IL17A: variants seen among roughly 807,000 people sequenced by gnomAD.
IL17A encodes the protein interleukin-17A.
IL17A carries 1 observed loss-of-function variant against 7.2 expected under a neutral mutation model. The ratio of observed to expected loss-of-function variants is 0.14; its 90% confidence interval spans 0.05 to 0.66. The LOEUF (loss-of-function observed/expected upper bound fraction) is 0.66, where lower values mean the gene tolerates loss of function less well. Ranked by LOEUF, IL17A falls within the 30% of genes least tolerant of loss-of-function variation. The probability of loss-of-function intolerance (pLI) is 0.84; values close to 1 mark genes in which losing one functional copy is unlikely to be tolerated. For missense variants in IL17A, 191 were observed against 197.1 expected, an observed-to-expected ratio of 0.97 and a Z score of 0.18; for synonymous variants, 90 against 77.7, an observed-to-expected ratio of 1.16 and a Z score of -0.83.
Position 52,187,774 on chromosome 6 carries a change from T to C in IL17A, c.199T>C (p.Tyr67His), listed in dbSNP as rs769455698. 5 of 1,613,988 alleles carry C rather than the reference T, an allele frequency of 3.1e-6. No homozygotes were observed. The highest frequency in any genetic ancestry group is 4.2e-6 in the Non-Finnish European group (5 of 1,179,956). The change falls in exon 2 of 3, where the codon TAC becomes CAC. Residue 67 changes from tyrosine to histidine, a missense_variant. Transcript: ENST00000648244. Reference sequence around the variant, plus strand: ...CAATCCCAAAAGGTCCTCAGATTACTACAACCGATCCACCTCACCTTGGAA... The same window carrying C: ...CAATCCCAAAAGGTCCTCAGATTACCACAACCGATCCACCTCACCTTGGAA... Reference protein sequence around the residue: ...NTNPKRSSDYYNRSTSPWNLH... With the variant: ...NTNPKRSSDYHNRSTSPWNLH...
At chr6:52,188,984 G>A in intron 2 of IL17A, 71 bp from the exon 3 acceptor site, 2 of 1,177,172 alleles carry the variant, frequency 1.7e-6, no homozygotes, top group Non-Finnish European at 1.3e-6. Flanking sequence ...CTCTCTTCAT[G>A]TATTCCTGTT....
Position 52,189,201 on chromosome 6 carries a change from C to A in IL17A, c.377C>A (p.Pro126His). Residue 126 changes from proline to histidine, a missense_variant, in exon 3 of 3, where the codon CCT (proline) becomes CAT (histidine). Pro to His is a moderately conservative substitution (Grantham distance 77). Coordinates refer to ENST00000648244, the MANE Select transcript of IL17A (RefSeq NM_002190.3). ...GAGATCCTGGTCCTGCGCAGGGAGC[C>A]TCCACACTGCCCCAACTCCTTCCGG... ...QQEILVLRRE[P>H]PHCPNSFRLE... 5 of 1,614,168 alleles carry A rather than the reference C, an allele frequency of 3.1e-6. No individual in the cohort carries two copies. Among genetic ancestry groups the A allele is most frequent in the Middle Eastern group, 1.6e-4 (1 of 6,062 alleles).
chr6:52,189,407 T>A lies in IL17A; in HGVS notation c.*115T>A. On this transcript the variant is annotated 3_prime_UTR_variant, in exon 3 of 3. Coordinates refer to ENST00000648244, the MANE Select transcript of IL17A (RefSeq NM_002190.3). ...TCATTTCGGACTAAACTCATTAGAGTTCTTAAGGCAGTTTGTCCAATTAAA... is the reference window on the plus strand; with the variant it reads ...TCATTTCGGACTAAACTCATTAGAGATCTTAAGGCAGTTTGTCCAATTAAA... The A allele has an allele frequency of 1.4e-6, 1 of 714,370 alleles. No individual in the cohort carries two copies. The highest frequency in any genetic ancestry group is 1.9e-5 in the South Asian group (1 of 53,238). 44.3% of individuals were successfully genotyped at this position (714,370 alleles called of 1,614,324 possible).
rs1308096563 is a variant in IL17A at position 52,189,287 on chromosome 6, G to T, written c.463G>T (p.Ala155Ser). 6.2e-7 allele frequency: 1 copy of T among 1,613,350 alleles called. No individual in the cohort carries two copies. Among genetic ancestry groups the T allele is most frequent in the African/African-American group, 1.3e-5 (1 of 74,912 alleles). ...TCVTPIVHHV[A>S] is the part of the protein sequence containing the mutation. ...TGTCACCCCGATTGTCCACCATGTG[G>T]CCTAAGAGCTCTGGGGAGCCCACAC... Residue 155 changes from alanine (A) to serine (S), a missense_variant, in exon 3 of 3, where the codon GCC becomes TCC. Ala to Ser is a moderately conservative substitution (Grantham distance 99, BLOSUM62 1). Coordinates refer to ENST00000648244, the MANE Select transcript of IL17A (RefSeq NM_002190.3).
chr6:52,187,348 C>T (rs1763304055), intron 1 of IL17A, among the ~76,000 whole-genome samples: 1 of 152,142 alleles, frequency 6.6e-6, no homozygotes, highest in Non-Finnish European at 1.5e-5. Flanking sequence ...CAATGGATAA[C>T]ATGTCTTTCC....
intron 1 of IL17A, among the ~76,000 whole-genome samples, chr6:52,186,869 G>T (rs181083392): frequency 1.3e-5 from 2 of 152,170 alleles, no homozygotes; most frequent in Admixed American, 6.5e-5. Flanking sequence ...CCATTATCTC[G>T]TACCATATTC....
At position 52,187,690 on chromosome 6, in the gene IL17A, A is replaced by G. The variant is rs776322859; in HGVS notation, c.115A>G (p.Lys39Glu). Residue 39 changes from lysine (K) to glutamate (E), a missense_variant, in exon 2 of 3, where the codon AAG becomes GAG. Lys to Glu is a moderately conservative substitution (Grantham distance 56). Coordinates refer to ENST00000648244, the MANE Select transcript of IL17A (RefSeq NM_002190.3). ...RNPGCPNSED[K>E]NFPRTVMVNL... ...TCCAGGATGCCCAAATTCTGAGGAC[A>G]AGAACTTCCCCCGGACTGTGATGGT... 5 of 1,614,010 alleles carry G rather than the reference A, an allele frequency of 3.1e-6. No homozygotes were observed. Among genetic ancestry groups the G allele is most frequent in the Non-Finnish European group, 3.4e-6 (4 of 1,179,984 alleles).
chr6:52,187,634 T>C lies in IL17A; in HGVS notation c.59T>C (p.Ile20Thr), dbSNP rs369300495. 6 of 1,613,990 alleles carry C rather than the reference T, an allele frequency of 3.7e-6. No individual in the cohort carries two copies. The highest frequency in any genetic ancestry group is 5.1e-6 in the Non-Finnish European group (6 of 1,179,966). The change falls in exon 2 of 3, where the codon ATA (isoleucine) becomes ACA (threonine). Residue 20 changes from isoleucine (I) to threonine (T), a missense_variant. Ile to Thr is a moderately conservative substitution (Grantham distance 89). Coordinates refer to ENST00000648244, the MANE Select transcript of IL17A (RefSeq NM_002190.3). The part of the protein sequence containing the change: ...SLLLLLSLEA[I>T]VKAGITIPRN... ...CTACTGCTGCTGAGCCTGGAGGCCATAGTGAAGGCAGGAATCACAATCCCA... is the reference window on the plus strand; with the variant it reads ...CTACTGCTGCTGAGCCTGGAGGCCACAGTGAAGGCAGGAATCACAATCCCA...
rs199815459 is a variant in IL17A at position 52,186,440 on chromosome 6, T to G, written c.9T>G (p.Pro3=). 6.2e-7 allele frequency: 1 copy of G among 1,613,982 alleles called. No individual in the cohort carries two copies. The highest frequency in any genetic ancestry group is 2.2e-5 in the East Asian group (1 of 44,858). MT[P]GKTSLVSLLL... Reference sequence around the variant, plus strand: ...GATTGGAAGAAACAACGATGACTCCTGGGAAGACCTCATTGGTGGTGAGTC... The same window carrying G: ...GATTGGAAGAAACAACGATGACTCCGGGGAAGACCTCATTGGTGGTGAGTC... Residue 3 remains proline, a synonymous_variant, in exon 1 of 3, where the codon CCT becomes CCG. Transcript: ENST00000648244.
chr6:52,186,383 C>T lies in IL17A; in HGVS notation c.-49C>T. On this transcript the variant is annotated 5_prime_UTR_variant, in exon 1 of 3. Coordinates refer to ENST00000648244, the MANE Select transcript of IL17A (RefSeq NM_002190.3). ...CGATAGCGCTACATTTTGTCCATCT[C>T]ATAGCAGGCACAAACTCATCCATCC... 5 of 1,598,302 alleles carry T rather than the reference C, an allele frequency of 3.1e-6. No individual in the cohort carries two copies. Among genetic ancestry groups the T allele is most frequent in the Non-Finnish European group, 4.3e-6 (5 of 1,165,794 alleles).
At position 52,186,469 on chromosome 6, in the gene IL17A, C is replaced by A. The variant is rs1322729755; in HGVS notation, c.27+11C>A. 1.8e-5 allele frequency: 29 copies of A among 1,613,534 alleles called. No homozygotes were observed. Among genetic ancestry groups the A allele is most frequent in the Non-Finnish European group, 2.5e-5 (29 of 1,179,538 alleles). ...AAGACCTCATTGGTGGTGAGTCCTG[C>A]ACTAACGTGCGATGCTCTTGCTGAT... On this transcript the variant is annotated intron_variant, in intron 1 of 2. Transcript: ENST00000648244.
intron 1 of IL17A, 98 bp downstream of exon 1, chr6:52,186,556 C>A: frequency 9.3e-7 from 1 of 1,080,310 alleles, no homozygotes. Flanking sequence ...TATGGAGATC[C>A]AGGAATACTG....
chr6:52,186,526 A>G (rs972870076), intron 1 of IL17A, 68 bp downstream of exon 1: 17 of 1,486,068 alleles, frequency 1.1e-5, no homozygotes, highest in Admixed American at 1.7e-5. Flanking sequence ...GACCGTGGGC[A>G]TGAAACGCTG....
rs994160466 is a variant in IL17A, at chr6:52,190,261, C to G, written c.*969C>G. 5 of 152,074 alleles carry G rather than the reference C, an allele frequency of 3.3e-5. No individual in the cohort carries two copies. The East Asian group carries it at 9.6e-4, about 29-fold the overall frequency. 9.4% of individuals were successfully genotyped at this position (152,074 alleles called of 1,614,324 possible). On this transcript the variant is annotated 3_prime_UTR_variant, in exon 3 of 3. Transcript: ENST00000648244. ...CAGAAGCATTTTGATAGGAATAGAG[C>G]AAATAAGATAATGGCCCTGAGGAAT...
At position 52,189,146 on chromosome 6, in the gene IL17A, T is replaced by TA; in HGVS notation, c.323dup (p.Tyr108Ter). Residue 108 changes from tyrosine to a stop codon, truncating the protein, a stop_gained and frameshift_variant, in exon 3 of 3, where the codon TAC becomes TAAC. Coordinates refer to ENST00000648244, the MANE Select transcript of IL17A (RefSeq NM_002190.3). LOFTEE classifies it high-confidence loss of function. ...CATCAACGCTGATGGGAACGTGGAC[T>TA]ACCACATGAACTCTGTCCCCATCCA... ...GCINADGNVD[Y>*]HMNSVPIQQE... is the part of the protein sequence containing the mutation. The TA allele has an allele frequency of 6.2e-7, 1 of 1,614,164 alleles. No individual in the cohort carries two copies. The highest frequency in any genetic ancestry group is 1.1e-5 in the South Asian group (1 of 91,084).
rs565545100 is a variant in IL17A at position 52,190,059 on chromosome 6, A to G, written c.*767A>G. 1 of 152,340 alleles carries G rather than the reference A, an allele frequency of 6.6e-6. No homozygotes were observed. The highest frequency in any genetic ancestry group is 2.4e-5 in the African/African-American group (1 of 41,566). The allele number at this position is 152,340 out of a possible 1,614,324, so 9.4% of individuals were successfully genotyped here. ...TATTTGTTCTCATTAAATGTATTTT[A>G]GCAAACTCAGCTCTTCCCTATTGGG... On this transcript the variant is annotated 3_prime_UTR_variant, in exon 3 of 3. Transcript: ENST00000648244.
intron 2 of IL17A, among the ~76,000 whole-genome samples, chr6:52,188,171 A>T (rs1763316541): frequency 6.6e-6 from 1 of 152,210 alleles, no homozygotes; most frequent in Non-Finnish European, 1.5e-5. Context: ...CATTGAGAAG[A>T]TTTATTGCAA....
rs747773286 is a variant in IL17A, at chr6:52,187,694, A to C, written c.119A>C (p.Asn40Thr). The C allele has an allele frequency of 6.2e-6, 10 of 1,613,956 alleles. No individual in the cohort carries two copies. The East Asian group carries it at 2.0e-4, about 32-fold the overall frequency. ...NPGCPNSEDK[N>T]FPRTVMVNLN... Reference sequence around the variant, plus strand: ...GGATGCCCAAATTCTGAGGACAAGAACTTCCCCCGGACTGTGATGGTCAAC... The same window carrying C: ...GGATGCCCAAATTCTGAGGACAAGACCTTCCCCCGGACTGTGATGGTCAAC... Residue 40 changes from asparagine to threonine, a missense_variant, in exon 2 of 3, where the codon AAC (asparagine) becomes ACC (threonine). Coordinates refer to ENST00000648244, the MANE Select transcript of IL17A (RefSeq NM_002190.3).
Position 52,189,580 on chromosome 6 carries a change from A to ATTGGGGTATAAG in IL17A, c.*288_*289insTTGGGGTATAAG, listed in dbSNP as rs1302323520. On this transcript the variant is annotated 3_prime_UTR_variant, in exon 3 of 3. Coordinates refer to ENST00000648244, the MANE Select transcript of IL17A (RefSeq NM_002190.3). ...TTATGTATTTAATATGCCCTGAGAT[A>ATTGGGGTATAAG]ACTTTGGGGTATAAGATTCCATTTT... 9 of 288,172 alleles carry ATTGGGGTATAAG rather than the reference A, an allele frequency of 3.1e-5. No homozygotes were observed. The highest frequency in any genetic ancestry group is 1.5e-4 in the Admixed American group (3 of 20,258). The allele number at this position is 288,172 out of a possible 1,614,324, so 17.9% of individuals were successfully genotyped here. A position where few individuals can be genotyped will look rare whatever the true frequency, so the allele number is the denominator to read the frequency against.
Sources: gnomAD v4.1 joint callset for allele counts (sites outside exome capture counted in the v4.1 genomes callset) on GRCh38, gnomAD v4.1.1 for gene constraint, MANE v1.5 for transcripts, NCBI Gene and HGNC (gene_info 2026-07-23, HGNC 2026-07-21) for gene names.